EMB: variants seen among roughly 807,000 people sequenced by gnomAD.
The protein encoded by EMB is embigin.
In EMB, 31 loss-of-function variants were observed where a neutral mutation model predicts 41.4. That is an observed-to-expected ratio of 0.75 (90% CI 0.56 to 1.01). The LOEUF is 1.01. Among genes scored for constraint, EMB ranks in the 50% least tolerant of loss-of-function variants. The pLI, the probability that EMB is intolerant of heterozygous loss-of-function variation, is 0.00. For missense variants in EMB, 379 were observed against 388.3 expected (o/e 0.98, Z 0.20); for synonymous variants, 137 against 140.4 (o/e 0.98, Z 0.17).
At chr5:50,410,482 A>T (rs1263737188) in intron 4 of EMB, among the ~76,000 whole-genome samples, 1 of 152,142 alleles carries the variant, frequency 6.6e-6, no homozygotes, top group Non-Finnish European at 1.5e-5. Context: ...CTAAAATCCC[A>T]TGTCCTGGAG....
At chr5:50,404,629 C>T (rs1329815906) in intron 5 of EMB, among the ~76,000 whole-genome samples, 1 of 151,858 alleles carries the variant, frequency 6.6e-6, no homozygotes, top group African/African-American at 2.4e-5. Context: ...TATTGTTGTA[C>T]CACATACACA....
chr5:50,438,790 T>G (rs1381862893), intron 1 of EMB, among the ~76,000 whole-genome samples: 1 of 152,178 alleles, frequency 6.6e-6, no homozygotes, highest in African/African-American at 2.4e-5. Flanking sequence ...CAATTTTAGC[T>G]TACGTGGAGC....
chr5:50,428,275 G>T (rs1745654719), intron 1 of EMB, 48 bp from the exon 2 acceptor site: 2 of 1,443,450 alleles, frequency 1.4e-6, no homozygotes, highest in South Asian at 2.4e-5. Flanking sequence ...AAGAGTAAAT[G>T]ACTATCTAAA....
At chr5:50,433,794 G>C (rs1399848220) in intron 1 of EMB, among the ~76,000 whole-genome samples, 1 of 152,200 alleles carries the variant, frequency 6.6e-6, no homozygotes, top group Non-Finnish European at 1.5e-5. Flanking sequence ...AGTTCTGGAG[G>C]CCAGGAGTCT....
intron 2 of EMB, among the ~76,000 whole-genome samples, chr5:50,421,837 C>T (rs1006857671): frequency 7.1e-6 from 1 of 141,106 alleles, no homozygotes; most frequent in Non-Finnish European, 1.5e-5. Flanking sequence ...TAGATGGGAA[C>T]TGAACAATGA....
chr5:50,407,489 A>T (rs1745267315), intron 4 of EMB, among the ~76,000 whole-genome samples: 1 of 152,042 alleles, frequency 6.6e-6, no homozygotes, highest in Non-Finnish European at 1.5e-5. Flanking sequence ...AACATGGAAA[A>T]GCTGAAACCA....
chr5:50,424,887 TA>T (rs1283998706), intron 2 of EMB, among the ~76,000 whole-genome samples: 1 of 152,074 alleles, frequency 6.6e-6, no homozygotes, highest in Non-Finnish European at 1.5e-5. Context: ...AAACTGATAT[TA>T]AAAAAACAAA....
At chr5:50,408,309 G>A (rs1359211228) in intron 4 of EMB, among the ~76,000 whole-genome samples, 4 of 151,786 alleles carry the variant, frequency 2.6e-5, no homozygotes, top group African/African-American at 9.7e-5. Context: ...ATCCACTACT[G>A]AGAAACACTA....
At chr5:50,401,059 A>G (rs756985303) in intron 7 of EMB, among the ~76,000 whole-genome samples, 23 of 152,044 alleles carry the variant, frequency 1.5e-4, no homozygotes, top group Admixed American at 1.3e-4. Context: ...ATACGTGGAA[A>G]TAGGAAAGAT....
intron 1 of EMB, among the ~76,000 whole-genome samples, chr5:50,431,143 A>G (rs1745714074): frequency 6.6e-6 from 1 of 152,214 alleles, no homozygotes; most frequent in Admixed American, 6.5e-5. Context: ...GTCAAGCTTC[A>G]GGTTCCACGG....
intron 1 of EMB, among the ~76,000 whole-genome samples, chr5:50,437,903 AATG>A (rs1251037071): frequency 2.0e-5 from 3 of 152,216 alleles, no homozygotes. Context: ...TAGTAATAAT[AATG>A]ATATTTAAAT....
chr5:50,402,873 C>A (rs1265292407), intron 6 of EMB, among the ~76,000 whole-genome samples: 4 of 87,628 alleles, frequency 4.6e-5, no homozygotes, highest in African/African-American at 1.0e-4. Context: ...GTACCAGTAG[C>A]ACCAAAAAAA....
At chr5:50,401,400 G>A (rs1209119330) in intron 7 of EMB, among the ~76,000 whole-genome samples, 1 of 152,010 alleles carries the variant, frequency 6.6e-6, no homozygotes, top group African/African-American at 2.4e-5. Flanking sequence ...CCTGTTGGCT[G>A]ATAAACTCTA....
rs751019029 is a variant in EMB at position 50,411,306 on chromosome 5, T to C, written c.274A>G (p.Thr92Ala). ...SNVNLTCQFT[T>A]SGDLNAVNVT... ...TTTACTGCATTCAAATCCCCAGATG[T>C]TGTGAACTGGCATGTGAGATTTACA... Residue 92 changes from threonine (T) to alanine (A), a missense_variant, in exon 3 of 9, where the codon ACA becomes GCA. Thr to Ala is a moderately conservative substitution (Grantham distance 58). Coordinates refer to ENST00000303221, the MANE Select transcript of EMB (RefSeq NM_198449.3). 2.5e-6 allele frequency: 4 copies of C among 1,613,202 alleles called. No individual in the cohort carries two copies. Among genetic ancestry groups the C allele is most frequent in the South Asian group, 1.1e-5 (1 of 90,966 alleles).
intron 2 of EMB, among the ~76,000 whole-genome samples, chr5:50,418,553 T>G (rs745996060): frequency 2.0e-5 from 3 of 152,246 alleles, no homozygotes; most frequent in Non-Finnish European, 4.4e-5. Context: ...TGTCTAGCAG[T>G]GATTGTGCCT....
chr5:50,398,326 AAAG>A lies in EMB; in HGVS notation c.*944_*946del, dbSNP rs1393250569. The A allele has an allele frequency of 6.6e-6, 1 of 151,960 alleles. No individual in the cohort carries two copies. The highest frequency in any genetic ancestry group is 1.5e-5 in the Non-Finnish European group (1 of 67,952). The allele number at this position is 151,960 out of a possible 1,614,324, so 9.4% of individuals were successfully genotyped here. A position where few individuals can be genotyped will look rare whatever the true frequency, so the allele number is the denominator to read the frequency against. On this transcript the variant is annotated 3_prime_UTR_variant, in exon 9 of 9. Coordinates refer to ENST00000303221, the MANE Select transcript of EMB (RefSeq NM_198449.3). ...AGTCTAAGGCATTCACAGCAATAAA[AAAG>A]AAGTGCTTTAGTATTTCTGGACTTC...
intron 1 of EMB, among the ~76,000 whole-genome samples, chr5:50,440,561 A>C (rs867330141): frequency 7.8e-6 from 1 of 128,484 alleles, no homozygotes; most frequent in African/African-American, 3.2e-5. Flanking sequence ...AAAAAAAAAA[A>C]TCCTCAAAGC....
intron 1 of EMB, among the ~76,000 whole-genome samples, chr5:50,440,200 G>C (rs1579748742): frequency 1.3e-5 from 2 of 152,192 alleles, no homozygotes; most frequent in East Asian, 3.9e-4. Context: ...TCTTTGGTTG[G>C]CTAGTTGGTT....
At chr5:50,431,032 T>C (rs1404185225) in intron 1 of EMB, among the ~76,000 whole-genome samples, 1 of 152,186 alleles carries the variant, frequency 6.6e-6, no homozygotes, top group African/African-American at 2.4e-5. Context: ...GTTGAGGCCA[T>C]TTACAATTGC....
Sources: gnomAD v4.1 joint callset for allele counts (sites outside exome capture counted in the v4.1 genomes callset) on GRCh38, gnomAD v4.1.1 for gene constraint, MANE v1.5 for transcripts, NCBI Gene and HGNC (gene_info 2026-07-23, HGNC 2026-07-21) for gene names.